Variants in NMNAT2 observed in about 807,000 individuals in gnomAD.
The protein encoded by NMNAT2 is nicotinamide nucleotide adenylyltransferase 2, also known as nicotinamide/nicotinic acid mononucleotide adenylyltransferase 2.
A neutral mutation model predicts 41.6 loss-of-function variants in NMNAT2; 11 were observed. That is an observed-to-expected ratio of 0.26 (90% CI 0.17 to 0.44). NMNAT2 has a LOEUF of 0.44. Ranked by LOEUF, NMNAT2 falls within the 20% of genes least tolerant of loss-of-function variation. NMNAT2 has a pLI of 1.00. For synonymous variants in NMNAT2, 148 were observed against 151.2 expected (o/e 0.98, Z 0.16); for missense variants, 288 against 407.7 (o/e 0.71, Z 2.53).
chr1:183,387,156 G>C (rs1648270789), intron 1 of NMNAT2, among the ~76,000 whole-genome samples: 1 of 150,376 alleles, frequency 6.6e-6, no homozygotes, highest in East Asian at 1.9e-4. Context: ...ATCTGTATAA[G>C]TAGTTATATT....
At chr1:183,281,256 G>T in intron 7 of NMNAT2, among the ~76,000 whole-genome samples, 1 of 152,080 alleles carries the variant, frequency 6.6e-6, no homozygotes, top group East Asian at 1.9e-4. Context: ...TTTTGCAATT[G>T]CCAGGGGACA....
chr1:183,405,841 G>C (rs1429487799), intron 1 of NMNAT2, among the ~76,000 whole-genome samples: 2 of 152,222 alleles, frequency 1.3e-5, no homozygotes, highest in Non-Finnish European at 2.9e-5. Flanking sequence ...CGTGCAAAGT[G>C]TCTTTGCTAT....
chr1:183,369,650 T>C lies in NMNAT2; in HGVS notation c.85+48533A>G, dbSNP rs116180418. Among the ~76,000 whole-genome samples, 1,351 of 152,092 alleles carry C rather than the reference T, an allele frequency of 8.9e-3. 21 individuals carry two copies. The highest frequency in any genetic ancestry group is 0.031 in the African/African-American group (1,298 of 41,416). Reference sequence around the variant, plus strand: ...ACTTTAACTGTCTTTAAGCAAACAGTTCGGTGGCATTAAGTATATTGCCAC... The same window carrying C: ...ACTTTAACTGTCTTTAAGCAAACAGCTCGGTGGCATTAAGTATATTGCCAC... On this transcript the variant is annotated intron_variant, in intron 1 of 10. Transcript: ENST00000287713.
intron 1 of NMNAT2, among the ~76,000 whole-genome samples, chr1:183,334,752 C>T (rs972651384): frequency 2.6e-5 from 4 of 151,890 alleles, no homozygotes; most frequent in South Asian, 2.1e-4. Context: ...TCAAGTGATC[C>T]GCCCATCTCA....
intron 1 of NMNAT2, among the ~76,000 whole-genome samples, chr1:183,395,459 C>A (rs780423451): frequency 5.8e-4 from 88 of 152,014 alleles, no homozygotes; most frequent in Non-Finnish European, 7.9e-4. Flanking sequence ...GAGAGATAAA[C>A]CTGCTTCCAA....
At position 183,337,037 on chromosome 1, in the gene NMNAT2, G is replaced by A. The variant is rs555291089; in HGVS notation, c.86-43244C>T. Among the ~76,000 whole-genome samples, 37 of 152,288 alleles carry A rather than the reference G, an allele frequency of 2.4e-4. No individual in the cohort carries two copies. In the South Asian group the frequency reaches 4.6e-3, roughly 19 times the overall value. On this transcript the variant is annotated intron_variant, in intron 1 of 10. Coordinates refer to ENST00000287713, the MANE Select transcript of NMNAT2 (RefSeq NM_015039.4). ...AAAAATCAGAATAGCTGCCTACAGG[G>A]AATAAGGACTGCCTGGAAGGGAGCA... is the stretch of plus-strand genomic sequence containing the variant.
chr1:183,391,365 CA>C (rs1648476376), intron 1 of NMNAT2, among the ~76,000 whole-genome samples: 1 of 152,138 alleles, frequency 6.6e-6, no homozygotes, highest in Non-Finnish European at 1.5e-5. Flanking sequence ...TGCTTCTAGG[CA>C]AGGCCAACTC....
chr1:183,401,317 C>T (rs1394994862), intron 1 of NMNAT2, among the ~76,000 whole-genome samples: 12 of 152,144 alleles, frequency 7.9e-5, no homozygotes, highest in Admixed American at 3.9e-4. Flanking sequence ...TGAAAAAATG[C>T]TCATCATCAC....
At chr1:183,405,499 T>A (rs1369578428) in intron 1 of NMNAT2, among the ~76,000 whole-genome samples, 1 of 152,220 alleles carries the variant, frequency 6.6e-6, no homozygotes, top group Non-Finnish European at 1.5e-5. Context: ...AATATGACAG[T>A]ATCCACCTCT....
At chr1:183,344,307 C>T (rs1027427620) in intron 1 of NMNAT2, among the ~76,000 whole-genome samples, 1 of 152,082 alleles carries the variant, frequency 6.6e-6, no homozygotes, top group Non-Finnish European at 1.5e-5. Flanking sequence ...GTAGCCTGTC[C>T]CAGGAGGTAC....
chr1:183,385,627 A>G (rs1316788551), intron 1 of NMNAT2, among the ~76,000 whole-genome samples: 1 of 151,710 alleles, frequency 6.6e-6, no homozygotes, highest in Non-Finnish European at 1.5e-5. Context: ...AAAATCCTCC[A>G]CATTTAAACT....
At chr1:183,283,626 A>C in intron 7 of NMNAT2, 1 of 342,272 alleles carries the variant, frequency 2.9e-6, no homozygotes, top group Non-Finnish European at 5.7e-6. Context: ...ACAAGCACTG[A>C]ATGAGGAAGG....
Position 183,281,934 on chromosome 1 carries a change from C to T in NMNAT2, c.574+2061G>A, listed in dbSNP as rs576759467. ...CCAGCTCCTCTGGGCTAGCCTCCTT[C>T]CCCAGGTCACGCTGATCCAGGGCCA... is the stretch of plus-strand genomic sequence containing the variant. On this transcript the variant is annotated intron_variant, in intron 7 of 10. Coordinates refer to ENST00000287713, the MANE Select transcript of NMNAT2 (RefSeq NM_015039.4). 8.7e-4 allele frequency among the ~76,000 whole-genome samples: 132 copies of T among 152,368 alleles called. 1 individual carries two copies. The highest frequency in any genetic ancestry group is 1.5e-3 in the Non-Finnish European group (104 of 68,030).
At chr1:183,330,629 G>C (rs1377128985) in intron 1 of NMNAT2, among the ~76,000 whole-genome samples, 2 of 152,208 alleles carry the variant, frequency 1.3e-5, no homozygotes, top group Admixed American at 6.5e-5. Flanking sequence ...AAACTTGGTG[G>C]GCTATGCACG....
chr1:183,252,460 A>C lies in NMNAT2; in HGVS notation c.*181T>G. On this transcript the variant is annotated 3_prime_UTR_variant, in exon 11 of 11. Coordinates refer to ENST00000287713, the MANE Select transcript of NMNAT2 (RefSeq NM_015039.4). ...CCGGAGACTAGAGGAAAGTCTGTCC[A>C]AAGATGACTGTGGAATAGGGAATGC... The C allele has an allele frequency of 2.4e-6, 1 of 413,412 alleles. No individual in the cohort carries two copies. Among genetic ancestry groups the C allele is most frequent in the East Asian group, 5.7e-5 (1 of 17,630 alleles). 25.6% of individuals were successfully genotyped at this position (413,412 alleles called of 1,614,324 possible).
At chr1:183,355,306 T>C (rs562666090) in intron 1 of NMNAT2, among the ~76,000 whole-genome samples, 1 of 152,332 alleles carries the variant, frequency 6.6e-6, no homozygotes, top group South Asian at 2.1e-4. Flanking sequence ...TCTCACAGTT[T>C]GTTATGATAT....
chr1:183,335,923 C>T (rs1400716927), intron 1 of NMNAT2, among the ~76,000 whole-genome samples: 1 of 152,164 alleles, frequency 6.6e-6, no homozygotes, highest in East Asian at 1.9e-4. Flanking sequence ...AGGATGATCT[C>T]AGGAGATACG....
chr1:183,286,841 A>C (rs1339708680), intron 4 of NMNAT2, 53 bp from the exon 5 acceptor site: 1 of 1,569,200 alleles, frequency 6.4e-7, no homozygotes, highest in Non-Finnish European at 8.7e-7. Flanking sequence ...GAATCGTTTC[A>C]AAGTTATCTC....
At chr1:183,345,292 A>C (rs1175765960) in intron 1 of NMNAT2, among the ~76,000 whole-genome samples, 1 of 152,178 alleles carries the variant, frequency 6.6e-6, no homozygotes, top group African/African-American at 2.4e-5. Flanking sequence ...TTCAATCCCC[A>C]TGGTAAATTA....
Sources: gnomAD v4.1 joint callset for allele counts (sites outside exome capture counted in the v4.1 genomes callset) on GRCh38, gnomAD v4.1.1 for gene constraint, MANE v1.5 for transcripts, NCBI Gene and HGNC (gene_info 2026-07-23, HGNC 2026-07-21) for gene names.